CRACDL: variants seen among roughly 807,000 people sequenced by gnomAD.
CRACDL encodes CRACD-like protein.
In CRACDL, 26 loss-of-function variants were observed where a neutral mutation model predicts 70.6. That is an observed-to-expected ratio of 0.37 (90% confidence interval 0.27 to 0.51). The LOEUF (loss-of-function observed/expected upper bound fraction) is 0.51. Among genes scored for constraint, CRACDL ranks in the 20% least tolerant of loss-of-function variants. The pLI is 0.94. For synonymous variants in CRACDL, 618 were observed against 615.2 expected (o/e 1.00, Z -0.07); for missense variants, 1,283 against 1,376.9 (o/e 0.93, Z 1.08).
chr2:98,850,609 G>A (rs1457814358), intron 1 of CRACDL, among the ~76,000 whole-genome samples: 7 of 152,154 alleles, frequency 4.6e-5, no homozygotes, highest in Admixed American at 2.6e-4. Context: ...AGTTCTGAGA[G>A]CTCCAAGTCC....
chr2:98,820,022 G>T (rs1164660574), intron 7 of CRACDL, among the ~76,000 whole-genome samples: 1 of 151,358 alleles, frequency 6.6e-6, no homozygotes, highest in Non-Finnish European at 1.5e-5. Context: ...GTTTCACCAC[G>T]TTGGCCAGGC....
chr2:98,887,742 G>A (rs1707837771), intron 1 of CRACDL, among the ~76,000 whole-genome samples: 1 of 152,118 alleles, frequency 6.6e-6, no homozygotes. Context: ...GACAAAGAGA[G>A]AATCTGGAAA....
At chr2:98,907,344 A>G (rs1443224540) in intron 1 of CRACDL, among the ~76,000 whole-genome samples, 1 of 152,170 alleles carries the variant, frequency 6.6e-6, no homozygotes, top group African/African-American at 2.4e-5. Flanking sequence ...TCCCAGCACA[A>G]TGTGACTGTG....
chr2:98,801,314 G>T (rs1375248184), intron 7 of CRACDL, among the ~76,000 whole-genome samples: 1 of 152,232 alleles, frequency 6.6e-6, no homozygotes, highest in Non-Finnish European at 1.5e-5. Context: ...ACCCACTCCA[G>T]CTCCATAATG....
At chr2:98,865,537 T>G (rs926112305) in intron 1 of CRACDL, among the ~76,000 whole-genome samples, 1 of 152,154 alleles carries the variant, frequency 6.6e-6, no homozygotes, top group African/African-American at 2.4e-5. Flanking sequence ...ACTATTGTTC[T>G]CTAGTGAGTC....
chr2:98,912,851 TC>T (rs1708578492), intron 1 of CRACDL: 1 of 152,248 alleles, frequency 6.6e-6, no homozygotes, highest in Admixed American at 6.5e-5. Context: ...GACGGTGGAA[TC>T]CGGGGGTGGA....
chr2:98,807,116 T>C (rs1704337763), intron 7 of CRACDL, among the ~76,000 whole-genome samples: 1 of 152,216 alleles, frequency 6.6e-6, no homozygotes, highest in Non-Finnish European at 1.5e-5. Flanking sequence ...AATCCCCATT[T>C]TGGATATGGG....
chr2:98,798,602 T>C (rs533784916), intron 7 of CRACDL, among the ~76,000 whole-genome samples: 1 of 152,232 alleles, frequency 6.6e-6, no homozygotes, highest in East Asian at 1.9e-4. Flanking sequence ...AGCTCTTCTG[T>C]ATTTTCATAT....
intron 6 of CRACDL, among the ~76,000 whole-genome samples, chr2:98,824,873 A>G (rs1705240691): frequency 6.6e-6 from 1 of 152,256 alleles, no homozygotes; most frequent in Non-Finnish European, 1.5e-5. Context: ...AGAAAGCTAC[A>G]GAAGAACTTT....
chr2:98,807,109 C>G (rs1376912327), intron 7 of CRACDL, among the ~76,000 whole-genome samples: 2 of 152,186 alleles, frequency 1.3e-5, no homozygotes, highest in East Asian at 3.9e-4. Flanking sequence ...TATTTTCAAT[C>G]CCCATTTTGG....
chr2:98,865,176 G>A (rs983442933), intron 1 of CRACDL, among the ~76,000 whole-genome samples: 3 of 151,996 alleles, frequency 2.0e-5, no homozygotes, highest in Admixed American at 6.6e-5. Context: ...ATAGCACTCC[G>A]TTTCCTTCCA....
intron 1 of CRACDL, among the ~76,000 whole-genome samples, chr2:98,862,165 C>G (rs955725276): frequency 6.6e-6 from 1 of 152,178 alleles, no homozygotes; most frequent in Non-Finnish European, 1.5e-5. Context: ...AGTCACCATG[C>G]ATGCCTGCAA....
intron 1 of CRACDL, among the ~76,000 whole-genome samples, chr2:98,925,441 G>C (rs1344887809): frequency 6.6e-6 from 1 of 152,208 alleles, no homozygotes; most frequent in African/African-American, 2.4e-5. Flanking sequence ...CTGTGCCTCA[G>C]TTTGCTCTTC....
At chr2:98,848,552 C>G (rs1706353547) in intron 1 of CRACDL, among the ~76,000 whole-genome samples, 1 of 152,192 alleles carries the variant, frequency 6.6e-6, no homozygotes, top group Non-Finnish European at 1.5e-5. Flanking sequence ...TTAACCATGG[C>G]AACTGCAAAT....
intron 1 of CRACDL, among the ~76,000 whole-genome samples, chr2:98,849,875 T>C (rs1706411642): frequency 6.6e-6 from 1 of 152,102 alleles, no homozygotes; most frequent in South Asian, 2.1e-4. Context: ...CGGGGTGGCA[T>C]CTTCACCCTA....
At chr2:98,855,131 T>C (rs896818434) in intron 1 of CRACDL, among the ~76,000 whole-genome samples, 14 of 152,028 alleles carry the variant, frequency 9.2e-5, no homozygotes, top group African/African-American at 3.4e-4. Context: ...AATACAAAAA[T>C]TAGCTGGGCA....
At chr2:98,819,652 A>G (rs903239812) in intron 7 of CRACDL, among the ~76,000 whole-genome samples, 38 of 152,274 alleles carry the variant, frequency 2.5e-4, no homozygotes, top group African/African-American at 8.2e-4. Context: ...AAAGAGCCAG[A>G]AAAGATTAGA....
At chr2:98,930,294 ACC>A in intron 1 of CRACDL, among the ~76,000 whole-genome samples, 1 of 121,814 alleles carries the variant, frequency 8.2e-6, no homozygotes, top group Admixed American at 8.5e-5. Flanking sequence ...CTCCGTCCCC[ACC>A]CTCTGTACCG....
At chr2:98,908,285 A>T (rs754969776) in intron 1 of CRACDL, 6 of 152,294 alleles carry the variant, frequency 3.9e-5, no homozygotes, top group Non-Finnish European at 8.8e-5. Flanking sequence ...CAGGTAGGGC[A>T]TCTCTTCCAG....
Sources: gnomAD v4.1 joint callset for allele counts (sites outside exome capture counted in the v4.1 genomes callset) on GRCh38, gnomAD v4.1.1 for gene constraint, MANE v1.5 for transcripts, NCBI Gene and HGNC (gene_info 2026-07-23, HGNC 2026-07-21) for gene names.